WWC1: variants seen among roughly 807,000 people sequenced by gnomAD.
WWC1 encodes WW and C2 domain containing 1, also known as protein KIBRA.
A neutral mutation model predicts 138.4 loss-of-function variants in WWC1; 55 were observed. That is an observed-to-expected ratio of 0.40 (90% CI 0.32 to 0.50). WWC1 has a LOEUF of 0.50. WWC1 is among the 20% of genes least tolerant of loss of function. The pLI is 0.72. For synonymous variants in WWC1, 524 were observed against 564.9 expected, an observed-to-expected ratio of 0.93 and a Z score of 1.03; for missense variants, 1,226 against 1,420.4, an observed-to-expected ratio of 0.86 and a Z score of 2.20.
chr5:168,448,964 A>T (rs1038564138), intron 17 of WWC1, among the ~76,000 whole-genome samples: 1 of 152,162 alleles, frequency 6.6e-6, no homozygotes, highest in Non-Finnish European at 1.5e-5. Context: ...GATTAAGAGT[A>T]CCCTAACCTA....
rs1195292766 is a variant in WWC1 at position 168,423,670 on chromosome 5, A to G, written c.1412A>G (p.Glu471Gly). 1.2e-6 allele frequency: 2 copies of G among 1,614,088 alleles called. No homozygotes were observed. Among genetic ancestry groups the G allele is most frequent in the Non-Finnish European group, 1.7e-6 (2 of 1,180,020 alleles). The change falls in exon 11 of 23, where the codon GAG becomes GGG. Residue 471 changes from glutamate to glycine, a missense_variant. By Grantham distance (98) the Glu-to-Gly change is moderately conservative (BLOSUM62 -2). Around this residue, in one of 3 missense-constraint regions of WWC1, gnomAD observed 1,016 missense variants for 1,153.9 expected, o/e 0.88. Transcript: ENST00000265293. ...SFTDLYYDPF[E>G]QLDSELQSKV... ...ACTGACCTCTACTATGACCCCTTTGAGCAGCTGGACTCAGAGCTGCAGAGC... is the reference window on the plus strand; with the variant it reads ...ACTGACCTCTACTATGACCCCTTTGGGCAGCTGGACTCAGAGCTGCAGAGC...
intron 1 of WWC1, among the ~76,000 whole-genome samples, chr5:168,338,505 G>A (rs747274838): frequency 4.3e-4 from 65 of 150,532 alleles, no homozygotes; most frequent in African/African-American, 7.5e-4. Flanking sequence ...TCCGCCTCCC[G>A]GGTTCAAGCG....
intron 4 of WWC1, 120 bp from the exon 5 acceptor site, chr5:168,399,368 T>C (rs1779142514): frequency 1.0e-6 from 1 of 991,720 alleles, no homozygotes; most frequent in Non-Finnish European, 1.5e-6. Context: ...CAAGGGGTGC[T>C]GACCTGAGTC....
intron 2 of WWC1, among the ~76,000 whole-genome samples, chr5:168,383,281 C>G (rs1341582164): frequency 6.6e-6 from 1 of 152,048 alleles, no homozygotes; most frequent in African/African-American, 2.4e-5. Flanking sequence ...TCATTTGTTT[C>G]CTTTACCTGG....
chr5:168,362,825 G>C (rs1775980023), intron 1 of WWC1, among the ~76,000 whole-genome samples: 1 of 152,200 alleles, frequency 6.6e-6, no homozygotes, highest in East Asian at 1.9e-4. Context: ...GCAGAGGGAA[G>C]ACAGAATCCA....
chr5:168,435,125 C>A (rs891003148), intron 15 of WWC1, among the ~76,000 whole-genome samples: 2 of 152,192 alleles, frequency 1.3e-5, no homozygotes, highest in Non-Finnish European at 2.9e-5. Flanking sequence ...TACTCACCCA[C>A]TCATCACAAT....
At chr5:168,430,649 G>A (rs894477700) in intron 14 of WWC1, among the ~76,000 whole-genome samples, 1 of 77,594 alleles carries the variant, frequency 1.3e-5, no homozygotes, top group Non-Finnish European at 2.1e-5. Context: ...GTCAACACCA[G>A]TCACTGCTTC....
chr5:168,366,802 CTTTTTTTTTTT>C (rs202012790), intron 1 of WWC1, among the ~76,000 whole-genome samples: 3 of 100,570 alleles, frequency 3.0e-5, no homozygotes, highest in Admixed American at 1.1e-4. Flanking sequence ...CTTTGAAACA[CTTTTTTTTTTT>C]TTTTTTTTTT....
At chr5:168,462,454 C>T (rs756941067) in intron 20 of WWC1, among the ~76,000 whole-genome samples, 1 of 152,140 alleles carries the variant, frequency 6.6e-6, no homozygotes, top group African/African-American at 2.4e-5. Flanking sequence ...GATTACAAGG[C>T]CACACTTCTG....
chr5:168,342,658 G>A (rs1774135829), intron 1 of WWC1, among the ~76,000 whole-genome samples: 1 of 152,142 alleles, frequency 6.6e-6, no homozygotes, highest in African/African-American at 2.4e-5. Flanking sequence ...GGGAAGGTAT[G>A]CAGGGACTAT....
intron 17 of WWC1, among the ~76,000 whole-genome samples, chr5:168,447,541 G>C (rs1755387495): frequency 6.6e-6 from 1 of 151,968 alleles, no homozygotes; most frequent in African/African-American, 2.4e-5. Flanking sequence ...TTCCCCTTTT[G>C]ATTTTTTTTT....
In WWC1 at chr5:168,444,189, G is replaced by C. The variant is rs116934054; in HGVS notation, c.2434-305G>C. On this transcript the variant is annotated intron_variant, in intron 16 of 22. Coordinates refer to ENST00000265293, the MANE Select transcript of WWC1 (RefSeq NM_015238.3). The stretch of plus-strand genomic sequence containing the variant: ...GTTCACACATTGGTCTGATGACACT[G>C]TGGTCTGCTTACAGTCAGAGACCTT... 3.3e-3 allele frequency among the ~76,000 whole-genome samples: 500 copies of C among 152,324 alleles called. 14 individuals carry two copies. The East Asian group carries it at 0.058, about 18-fold the overall frequency.
At chr5:168,384,837 C>A (rs1777920413) in intron 2 of WWC1, among the ~76,000 whole-genome samples, 2 of 151,154 alleles carry the variant, frequency 1.3e-5, no homozygotes, top group Admixed American at 1.3e-4. Flanking sequence ...CCTGCCTTAG[C>A]CTCCCAAGTA....
At chr5:168,348,155 C>G (rs1225239920) in intron 1 of WWC1, among the ~76,000 whole-genome samples, 1 of 152,184 alleles carries the variant, frequency 6.6e-6, no homozygotes, top group South Asian at 2.1e-4. Flanking sequence ...GTGATGTGCA[C>G]CGTTTCCTGA....
intron 20 of WWC1, among the ~76,000 whole-genome samples, chr5:168,462,742 G>A (rs534275687): frequency 2.3e-4 from 35 of 152,364 alleles, no homozygotes; most frequent in African/African-American, 8.2e-4. Context: ...CTGAGGAACA[G>A]GAGAATCCAG....
intron 22 of WWC1, among the ~76,000 whole-genome samples, chr5:168,468,305 T>A (rs1383183476): frequency 6.6e-6 from 1 of 152,144 alleles, no homozygotes; most frequent in Non-Finnish European, 1.5e-5. Flanking sequence ...TGATGGATGC[T>A]CGCTGGGCCT....
At chr5:168,382,916 C>G (rs1156952614) in intron 2 of WWC1, among the ~76,000 whole-genome samples, 1 of 152,168 alleles carries the variant, frequency 6.6e-6, no homozygotes, top group East Asian at 1.9e-4. Context: ...TGCCTCACGC[C>G]TGTAATCCCA....
intron 1 of WWC1, among the ~76,000 whole-genome samples, chr5:168,293,758 G>A (rs775678786): frequency 2.6e-5 from 4 of 152,156 alleles, no homozygotes; most frequent in African/African-American, 4.8e-5. Context: ...GTACATCAGC[G>A]CCCAACTCCC....
At chr5:168,410,721 T>C (rs1040359670) in intron 8 of WWC1, among the ~76,000 whole-genome samples, 4 of 152,092 alleles carry the variant, frequency 2.6e-5, no homozygotes, top group Non-Finnish European at 5.9e-5. Flanking sequence ...TTTATTGTAC[T>C]AAAACATTTG....
Sources: gnomAD v4.1 joint callset for allele counts (sites outside exome capture counted in the v4.1 genomes callset) on GRCh38, gnomAD v4.1.1 for gene constraint, gnomAD v4.1.1 regional missense constraint, MANE v1.5 for transcripts, NCBI Gene and HGNC (gene_info 2026-07-23, HGNC 2026-07-21) for gene names.